TRIM24: variants seen among roughly 807,000 people sequenced by gnomAD.
TRIM24 encodes the protein tripartite motif containing 24, also known as transcription intermediary factor 1-alpha.
In TRIM24, 29 loss-of-function variants were observed where a neutral mutation model predicts 123.9. That is an observed-to-expected ratio of 0.23 (90% CI 0.17 to 0.32). The LOEUF is 0.32. Among genes scored for constraint, TRIM24 ranks in the 10% least tolerant of loss-of-function variants. The probability of loss-of-function intolerance (pLI) is 1.00; values close to 1 mark genes in which losing one functional copy is unlikely to be tolerated. For missense variants in TRIM24, 932 were observed against 1,295.3 expected, an observed-to-expected ratio of 0.72 and a Z score of 4.31; for synonymous variants, 456 against 461.1, an observed-to-expected ratio of 0.99 and a Z score of 0.14.
intron 1 of TRIM24, among the ~76,000 whole-genome samples, chr7:138,464,375 C>T (rs940602691): frequency 6.6e-6 from 1 of 151,802 alleles, no homozygotes. Context: ...TTTGTGAGTA[C>T]AGGCATCACA....
intron 6 of TRIM24, among the ~76,000 whole-genome samples, chr7:138,532,124 CAGATGAGT>C (rs1246657847): frequency 6.6e-6 from 1 of 151,812 alleles, no homozygotes; most frequent in African/African-American, 2.4e-5. Flanking sequence ...AGCCCTTTGT[CAGATGAGT>C]AGATTGCAAA....
intron 3 of TRIM24, among the ~76,000 whole-genome samples, chr7:138,515,893 T>C (rs1280067632): frequency 1.3e-5 from 2 of 152,384 alleles, no homozygotes; most frequent in South Asian, 2.1e-4. Flanking sequence ...TTTTAACTAC[T>C]AAATGTACAA....
intron 1 of TRIM24, among the ~76,000 whole-genome samples, chr7:138,462,312 G>A (rs978516970): frequency 6.6e-6 from 1 of 151,740 alleles, no homozygotes; most frequent in Non-Finnish European, 1.5e-5. Context: ...ATGGGAACCT[G>A]GAGTTCTGAG....
At position 138,460,273 on chromosome 7, in the gene TRIM24, C is replaced by T. The variant is rs1794926764; in HGVS notation, c.-276C>T. The T allele has an allele frequency of 1.4e-5, 5 of 362,980 alleles. No homozygotes were observed. The highest frequency in any genetic ancestry group is 6.3e-5 in the African/African-American group (3 of 47,448). The allele number at this position is 362,980 out of a possible 1,614,324, so 22.5% of individuals were successfully genotyped here. On this transcript the variant is annotated 5_prime_UTR_variant, in exon 1 of 19. Transcript: ENST00000343526. Reference sequence around the variant, plus strand: ...GCGGGCTGGGCGTATTCCACGAGCGCCTCGGCGGTTGGCGAAGCGGACGGG... The same window carrying T: ...GCGGGCTGGGCGTATTCCACGAGCGTCTCGGCGGTTGGCGAAGCGGACGGG...
At position 138,488,326 on chromosome 7, in the gene TRIM24, G is replaced by T. The variant is rs192277026; in HGVS notation, c.365-15964G>T. On this transcript the variant is annotated intron_variant, in intron 1 of 18. Coordinates refer to ENST00000343526, the MANE Select transcript of TRIM24 (RefSeq NM_015905.3). ...CTGAATTCATGAATTTTTTGAAGGG[G>T]TTTTTTGTGTCTCTATCTCCTTCAG... Among the ~76,000 whole-genome samples the T allele has an allele frequency of 1.0e-3, 154 of 151,338 alleles. 1 individual carries two copies. The East Asian group carries it at 0.021, about 21-fold the overall frequency.
chr7:138,507,500 T>C (rs548705843), intron 2 of TRIM24, among the ~76,000 whole-genome samples: 1 of 152,048 alleles, frequency 6.6e-6, no homozygotes, highest in South Asian at 2.1e-4. Flanking sequence ...GGCTAATTTT[T>C]GATACAGAGA....
At position 138,586,111 on chromosome 7, in the gene TRIM24, G is replaced by T; in HGVS notation, c.*1160G>T. On this transcript the variant is annotated 3_prime_UTR_variant, in exon 19 of 19. Transcript: ENST00000343526. Reference sequence around the variant, plus strand: ...TTATTCTTCTGATTGATTGATAGAGGTACAAAAGACTTATCTTCTGAGGAC... The same window carrying T: ...TTATTCTTCTGATTGATTGATAGAGTTACAAAAGACTTATCTTCTGAGGAC... 1 of 367,626 alleles carries T rather than the reference G, an allele frequency of 2.7e-6. No individual in the cohort carries two copies. Among genetic ancestry groups the T allele is most frequent in the South Asian group, 2.1e-5 (1 of 46,804 alleles). The allele number at this position is 367,626 out of a possible 1,614,324, so 22.8% of individuals were successfully genotyped here. A position where few individuals can be genotyped will look rare whatever the true frequency, so the allele number is the denominator to read the frequency against.
Position 138,585,200 on chromosome 7 carries a change from G to A in TRIM24, c.*249G>A. On this transcript the variant is annotated 3_prime_UTR_variant, in exon 19 of 19. Transcript: ENST00000343526. Reference sequence around the variant, plus strand: ...GAAGGAAAAAAGGAGGATAGAAAAAGGATGGAAGAAAGAAGCATTGAAAAC... The same window carrying A: ...GAAGGAAAAAAGGAGGATAGAAAAAAGATGGAAGAAAGAAGCATTGAAAAC... 1 of 329,286 alleles carries A rather than the reference G, an allele frequency of 3.0e-6. No homozygotes were observed. Among genetic ancestry groups the A allele is most frequent in the Non-Finnish European group, 5.5e-6 (1 of 183,204 alleles). The allele number at this position is 329,286 out of a possible 1,614,324, so 20.4% of individuals were successfully genotyped here.
chr7:138,568,269 G>A (rs897578919), intron 10 of TRIM24, among the ~76,000 whole-genome samples: 2 of 150,118 alleles, frequency 1.3e-5, no homozygotes, highest in Non-Finnish European at 3.0e-5. Context: ...ACAGGTACTC[G>A]CCACCACGCC....
At chr7:138,527,538 A>T (rs1042056325) in intron 5 of TRIM24, among the ~76,000 whole-genome samples, 7 of 152,162 alleles carry the variant, frequency 4.6e-5, no homozygotes, top group African/African-American at 1.7e-4. Context: ...GTTGCTTCTC[A>T]GGCTTATCTG....
rs967084897 is a variant in TRIM24 at position 138,503,008 on chromosome 7, G to GT, written c.365-1272dup. ...TATAGTTGTTAATCTACTTAAAGTA[G>GT]TTTTTTTTTTAGATCAGATGAAGTA... On this transcript the variant is annotated intron_variant, in intron 1 of 18. Coordinates refer to ENST00000343526, the MANE Select transcript of TRIM24 (RefSeq NM_015905.3). Among the ~76,000 whole-genome samples the GT allele has an allele frequency of 7.2e-3, 1,061 of 148,302 alleles. 16 individuals are homozygous for GT. Among genetic ancestry groups the GT allele is most frequent in the African/African-American group, 0.024 (983 of 40,356 alleles).
At chr7:138,577,130 A>C (rs1332431996) in intron 13 of TRIM24, among the ~76,000 whole-genome samples, 1 of 152,230 alleles carries the variant, frequency 6.6e-6, no homozygotes, top group Non-Finnish European at 1.5e-5. Context: ...GCCAGTTCTA[A>C]GATACTAAAT....
In TRIM24 at chr7:138,567,462, T is replaced by C. The variant is rs367655749; in HGVS notation, c.1531-19T>C. On this transcript the variant is annotated intron_variant, in intron 9 of 18. Transcript: ENST00000343526. ...CAGAAGAAGATTGTTACTAAATTGG[T>C]TTAATTTCTTTTTTCTAGCAACCGC... 3.1e-4 allele frequency: 494 copies of C among 1,593,106 alleles called. 2 individuals are homozygous for C. The African/African-American group carries it at 5.9e-3, about 19-fold the overall frequency.
chr7:138,584,284 T>C (rs1215522375), intron 18 of TRIM24, among the ~76,000 whole-genome samples: 1 of 152,222 alleles, frequency 6.6e-6, no homozygotes, highest in Non-Finnish European at 1.5e-5. Context: ...TATTTCTTAT[T>C]TTTATGTTGA....
intron 1 of TRIM24, among the ~76,000 whole-genome samples, chr7:138,462,895 G>A (rs983272901): frequency 1.9e-4 from 28 of 151,080 alleles, no homozygotes; most frequent in Admixed American, 1.6e-3. Context: ...TTGAGACGGA[G>A]TCTCGCTCTT....
intron 6 of TRIM24, among the ~76,000 whole-genome samples, chr7:138,532,475 C>G (rs1314217588): frequency 6.6e-6 from 1 of 152,146 alleles, no homozygotes; most frequent in Non-Finnish European, 1.5e-5. Flanking sequence ...AATAGGGAAT[C>G]CTTTCCCCAT....
Position 138,542,508 on chromosome 7 carries a change from ATTG to A in TRIM24, c.1143+3708_1143+3710del, listed in dbSNP as rs143436041. Reference sequence around the variant, plus strand: ...AAGACCACAATCACTATAACAGATTATTGTTAAGAATTACCAAAATGTGACAGA... The same window carrying A: ...AAGACCACAATCACTATAACAGATTATTAAGAATTACCAAAATGTGACAGA... On this transcript the variant is annotated intron_variant, in intron 7 of 18. Coordinates refer to ENST00000343526, the MANE Select transcript of TRIM24 (RefSeq NM_015905.3). 6.3e-3 allele frequency among the ~76,000 whole-genome samples: 964 copies of A among 152,352 alleles called. 11 individuals are homozygous for A. Among genetic ancestry groups the A allele is most frequent in the African/African-American group, 0.022 (935 of 41,580 alleles).
chr7:138,532,065 TG>T (rs1796759381), intron 6 of TRIM24, among the ~76,000 whole-genome samples: 1 of 152,116 alleles, frequency 6.6e-6, no homozygotes, highest in South Asian at 2.1e-4. Context: ...TGGGGTTGTT[TG>T]TTTTTTTCTT....
At position 138,516,808 on chromosome 7, in the gene TRIM24, G is replaced by GTTTTTT. The variant is rs1224612357; in HGVS notation, c.631+1453_631+1454insTTTTTT. Among the ~76,000 whole-genome samples, 367 of 131,788 alleles carry GTTTTTT rather than the reference G, an allele frequency of 2.8e-3. 6 individuals carry two copies. Among genetic ancestry groups the GTTTTTT allele is most frequent in the African/African-American group, 0.01 (354 of 34,410 alleles). The allele number at this position is 131,788 out of a possible 152,430, so 86.5% of individuals were successfully genotyped here. A position where few individuals can be genotyped will look rare whatever the true frequency, so the allele number is the denominator to read the frequency against. On this transcript the variant is annotated intron_variant, in intron 3 of 18. Coordinates refer to ENST00000343526, the MANE Select transcript of TRIM24 (RefSeq NM_015905.3). The stretch of plus-strand genomic sequence containing the variant: ...GCATGTATCAAAATGTAGCAAAACC[G>GTTTTTT]TTTTGTTTTTTTTTTTTTTTTGAGA...
Sources: allele counts gnomAD v4.1 joint callset (sites outside exome capture counted in the v4.1 genomes callset), GRCh38; gene constraint gnomAD v4.1.1; transcripts MANE v1.5; gene names NCBI Gene and HGNC (gene_info 2026-07-23, HGNC 2026-07-21).